The following ZNF248 variants were observed in gnomAD, a reference collection of about 807,000 sequenced individuals.
ZNF248 encodes zinc finger protein 248, also known as KRAB protein domain.
A neutral mutation model predicts 44.3 loss-of-function variants in ZNF248; 20 were observed. The ratio of observed to expected loss-of-function variants is 0.45; its 90% CI spans 0.32 to 0.66. The LOEUF (loss-of-function observed/expected upper bound fraction) is 0.66. ZNF248 is among the 30% of genes least tolerant of loss of function. The pLI, the probability that ZNF248 is intolerant of heterozygous loss-of-function variation, is 0.04. For synonymous variants in ZNF248, 224 were observed against 229.0 expected, an observed-to-expected ratio of 0.98 and a Z score of 0.20; for missense variants, 654 against 677.0, an observed-to-expected ratio of 0.97 and a Z score of 0.38.
the ZNF248 span, among the ~76,000 whole-genome samples, chr10:37,767,829 G>C: frequency 6.6e-6 from 1 of 152,120 alleles, no homozygotes; most frequent in Non-Finnish European, 1.5e-5. Context: ...ACACAGACTG[G>C]CAAATTGGAT....
chr10:37,822,827 A>AAAGTCATCCTGGGC (rs1359364852), intron 6 of ZNF248, among the ~76,000 whole-genome samples: 11 of 152,206 alleles, frequency 7.2e-5, no homozygotes, highest in African/African-American at 2.7e-4. Context: ...GGCTGCATTC[A>AAAGTCATCCTGGGC]AAGTCATCCT....
At chr10:37,788,835 A>C (rs1397459177) in intron 6 of ZNF248, among the ~76,000 whole-genome samples, 1 of 152,168 alleles carries the variant, frequency 6.6e-6, no homozygotes, top group African/African-American at 2.4e-5. Context: ...AAAAGGAGTT[A>C]GACATACAAG....
At chr10:37,800,824 C>T (rs1209376708) in intron 6 of ZNF248, among the ~76,000 whole-genome samples, 3 of 151,658 alleles carry the variant, frequency 2.0e-5, no homozygotes, top group East Asian at 2.0e-4. Context: ...TGCAGTGGCA[C>T]GATCTTGGCT....
At chr10:37,811,228 A>G (rs1370345969) in intron 6 of ZNF248, among the ~76,000 whole-genome samples, 1 of 152,212 alleles carries the variant, frequency 6.6e-6, no homozygotes, top group Non-Finnish European at 1.5e-5. Context: ...CAGTGTAAGA[A>G]CCACTGTAGA....
intron 3 of ZNF248, among the ~76,000 whole-genome samples, chr10:37,848,745 G>T (rs1436744012): frequency 1.3e-5 from 2 of 152,126 alleles, no homozygotes; most frequent in African/African-American, 2.4e-5. Context: ...CTAGGTTCTG[G>T]CAGGAAACCT....
intron 6 of ZNF248, chr10:37,783,773 T>C (rs1471463823): frequency 1.3e-5 from 2 of 152,232 alleles, no homozygotes; most frequent in African/African-American, 2.4e-5. Context: ...CCCAAAGCCA[T>C]AGCAATTATA....
At chr10:37,783,074 A>G (rs1564459338) in intron 6 of ZNF248, among the ~76,000 whole-genome samples, 2 of 151,990 alleles carry the variant, frequency 1.3e-5, no homozygotes, top group African/African-American at 2.4e-5. Flanking sequence ...TGTGCTAGAA[A>G]CCTTTTTTGG....
At chr10:37,845,740 G>A (rs1161425984) in intron 3 of ZNF248, among the ~76,000 whole-genome samples, 1 of 152,100 alleles carries the variant, frequency 6.6e-6, no homozygotes, top group East Asian at 1.9e-4. Context: ...AGAAATGAAG[G>A]GGGATAAATG....
At chr10:37,823,333 C>CAAAAAAAAAA (rs60957023) in intron 6 of ZNF248, among the ~76,000 whole-genome samples, 1 of 17,530 alleles carries the variant, frequency 5.7e-5, no homozygotes, top group Non-Finnish European at 9.7e-5. Context: ...ACTCCGTCTC[C>CAAAAAAAAAA]AAAAAAAAAA....
the ZNF248 span, among the ~76,000 whole-genome samples, chr10:37,758,573 A>G: frequency 6.6e-6 from 1 of 152,350 alleles, no homozygotes; most frequent in South Asian, 2.1e-4. Context: ...TGAAAGTCAT[A>G]TACTCACAAT....
chr10:37,839,528 T>G (rs568022215), intron 3 of ZNF248, among the ~76,000 whole-genome samples: 1 of 149,220 alleles, frequency 6.7e-6, no homozygotes, highest in Non-Finnish European at 1.5e-5. Flanking sequence ...CACACACACA[T>G]GCACACACAC....
At chr10:37,785,418 G>A (rs1237754863) in intron 6 of ZNF248, among the ~76,000 whole-genome samples, 1 of 152,178 alleles carries the variant, frequency 6.6e-6, no homozygotes, top group Admixed American at 6.5e-5. Context: ...AAAACAGGCA[G>A]GGAAACAACA....
intron 6 of ZNF248, among the ~76,000 whole-genome samples, chr10:37,797,800 C>T (rs2049331548): frequency 6.6e-6 from 1 of 152,010 alleles, no homozygotes; most frequent in Non-Finnish European, 1.5e-5. Flanking sequence ...AAAAGATGGA[C>T]CAAAAACAAG....
downstream of ZNF248, among the ~76,000 whole-genome samples, chr10:37,774,444 C>G (rs528896505): frequency 1.3e-5 from 2 of 152,082 alleles, no homozygotes; most frequent in Non-Finnish European, 2.9e-5. Context: ...TTATCTTATC[C>G]TTTGATATGG....
At chr10:37,810,292 T>C (rs1358235761) in intron 6 of ZNF248, among the ~76,000 whole-genome samples, 4 of 152,266 alleles carry the variant, frequency 2.6e-5, no homozygotes, top group South Asian at 2.1e-4. Context: ...ACTATTATAG[T>C]AGAACTGTCT....
chr10:37,764,939 A>C, the ZNF248 span, among the ~76,000 whole-genome samples: 1 of 152,060 alleles, frequency 6.6e-6, no homozygotes, highest in East Asian at 1.9e-4. Flanking sequence ...GGATATTAAA[A>C]CACCTAAGAC....
intron 5 of ZNF248, 93 bp from the exon 6 acceptor site, chr10:37,833,209 T>C: frequency 6.8e-7 from 1 of 1,460,428 alleles, no homozygotes; most frequent in South Asian, 1.5e-5. Flanking sequence ...TACAGTCAAT[T>C]CTTTTGTTTT....
intron 6 of ZNF248, among the ~76,000 whole-genome samples, chr10:37,800,765 TC>T (rs1292537848): frequency 6.9e-6 from 1 of 145,538 alleles, no homozygotes; most frequent in Non-Finnish European, 1.5e-5. Flanking sequence ...CAACATTTTT[TC>T]TTTTTTTTTT....
At chr10:37,773,617 G>A (rs572809585), downstream of ZNF248, among the ~76,000 whole-genome samples, 1 of 152,190 alleles carries the variant, frequency 6.6e-6, no homozygotes, top group African/African-American at 2.4e-5. Flanking sequence ...GTCAGAACAG[G>A]GTTGGTTTCT....
Sources: gnomAD v4.1 joint callset for allele counts (sites outside exome capture counted in the v4.1 genomes callset) on GRCh38, gnomAD v4.1.1 for gene constraint, MANE v1.5 for transcripts, NCBI Gene and HGNC (gene_info 2026-07-23, HGNC 2026-07-21) for gene names.